DIAPH2: variants seen among roughly 807,000 people sequenced by gnomAD.
The protein encoded by DIAPH2 is diaphanous related formin 2.
In DIAPH2, 35 loss-of-function variants were observed where a neutral mutation model predicts 92.7. The observed-to-expected ratio is 0.38, with a 90% CI of 0.29 to 0.50. DIAPH2 has a LOEUF of 0.50. Ranked by LOEUF, DIAPH2 falls within the 20% of genes least tolerant of loss-of-function variation. The pLI, the probability that DIAPH2 is intolerant of heterozygous loss-of-function variation, is 0.94. For synonymous variants in DIAPH2, 301 were observed against 280.4 expected, an observed-to-expected ratio of 1.07 and a Z score of -0.73; for missense variants, 701 against 819.5, an observed-to-expected ratio of 0.86 and a Z score of 1.77.
intron 19 of DIAPH2, among the ~76,000 whole-genome samples, chrX:97,090,298 CTTTTTTTTTTTTTTTTTTTTT>C (rs760073834): frequency 7.7e-5 from 3 of 38,871 alleles, no homozygotes; most frequent in East Asian, 1.8e-3. Context: ...TCTCTGATCC[CTTTTTTTTTTTTTTTTTTTTT>C]TTTTTTTTTT....
intron 17 of DIAPH2, among the ~76,000 whole-genome samples, chrX:97,016,363 CATT>C: frequency 8.9e-6 from 1 of 111,993 alleles, no homozygotes; most frequent in Middle Eastern, 4.6e-3. Flanking sequence ...GAAAGTCACT[CATT>C]GTTGATCTTT....
chrX:97,531,686 G>C (rs2071061202), intron 26 of DIAPH2, among the ~76,000 whole-genome samples: 1 of 112,153 alleles, frequency 8.9e-6, no homozygotes, highest in Non-Finnish European at 1.9e-5. Context: ...GGTTTCTCTA[G>C]TTGTATAGAC....
At chrX:97,232,655 C>T (rs1189202090) in intron 22 of DIAPH2, among the ~76,000 whole-genome samples, 1 of 111,340 alleles carries the variant, frequency 9.0e-6, no homozygotes, top group Non-Finnish European at 1.9e-5. Flanking sequence ...CTGCCGTCCA[C>T]ACCCTGATAT....
chrX:97,238,847 A>G (rs1299567425), intron 22 of DIAPH2, among the ~76,000 whole-genome samples: 1 of 111,679 alleles, frequency 9.0e-6, no homozygotes, highest in Non-Finnish European at 1.9e-5. Context: ...TTTTTTACAT[A>G]TGCTTTCCGG....
chrX:97,365,806 G>A (rs1281438595), intron 24 of DIAPH2, among the ~76,000 whole-genome samples: 1 of 107,914 alleles, frequency 9.3e-6, no homozygotes, highest in Non-Finnish European at 1.9e-5. Context: ...CCTGGGTTCA[G>A]TTCTCCTGCC....
At chrX:97,419,271 T>C (rs1167649157) in intron 25 of DIAPH2, among the ~76,000 whole-genome samples, 1 of 111,542 alleles carries the variant, frequency 9.0e-6, no homozygotes, top group Non-Finnish European at 1.9e-5. Flanking sequence ...GAGCAGGGGT[T>C]GGCAAACATT....
chrX:96,806,458 C>G (rs5950027), intron 4 of DIAPH2, among the ~76,000 whole-genome samples: 1 of 107,625 alleles, frequency 9.3e-6, no homozygotes, highest in Non-Finnish European at 1.9e-5. Flanking sequence ...ACCAGCCTGA[C>G]TAACATGGAG....
intron 26 of DIAPH2, among the ~76,000 whole-genome samples, chrX:97,431,120 A>G (rs998395259): frequency 8.9e-6 from 1 of 112,229 alleles, no homozygotes; most frequent in African/African-American, 3.2e-5. Flanking sequence ...CTACTCATCT[A>G]TAACTATGAG....
chrX:97,587,276 A>AG (rs2147883722), intron 26 of DIAPH2, among the ~76,000 whole-genome samples: 1 of 108,159 alleles, frequency 9.2e-6, no homozygotes, highest in African/African-American at 3.4e-5. Context: ...CTGCTGTCCT[A>AG]GAAAAAAAAA....
intron 23 of DIAPH2, among the ~76,000 whole-genome samples, chrX:97,325,293 A>C (rs1166890588): frequency 9.0e-6 from 1 of 111,374 alleles, no homozygotes; most frequent in Non-Finnish European, 1.9e-5. Flanking sequence ...TGCATCTGCA[A>C]CTCTGCTTCT....
chrX:97,174,771 TTTGA>T (rs1373011549), intron 22 of DIAPH2, among the ~76,000 whole-genome samples: 4 of 111,870 alleles, frequency 3.6e-5, no homozygotes, highest in Non-Finnish European at 7.5e-5. Context: ...TTTAATTATT[TTTGA>T]TTGATCCTGC....
At chrX:96,793,894 A>G (rs948733555) in intron 4 of DIAPH2, among the ~76,000 whole-genome samples, 1 of 112,075 alleles carries the variant, frequency 8.9e-6, no homozygotes, top group African/African-American at 3.2e-5. Context: ...TTAGAGAAAA[A>G]CTATTGAGGT....
intron 1 of DIAPH2, among the ~76,000 whole-genome samples, chrX:96,698,121 C>T (rs985594503): frequency 5.4e-5 from 6 of 111,842 alleles, no homozygotes; most frequent in African/African-American, 2.0e-4. Flanking sequence ...ACTACTGTTG[C>T]ATATTGCATA....
chrX:97,273,857 C>A (rs1216245251), intron 23 of DIAPH2, among the ~76,000 whole-genome samples: 5 of 111,732 alleles, frequency 4.5e-5, no homozygotes, highest in Non-Finnish European at 9.4e-5. Flanking sequence ...CCTTAGGAAA[C>A]TTTATCCATT....
intron 25 of DIAPH2, among the ~76,000 whole-genome samples, chrX:97,420,546 CTG>C (rs1268293381): frequency 8.9e-6 from 1 of 112,016 alleles, no homozygotes; most frequent in Non-Finnish European, 1.9e-5. Flanking sequence ...CTATAGGAAA[CTG>C]TTAATTACCT....
intron 25 of DIAPH2, among the ~76,000 whole-genome samples, chrX:97,411,216 A>ACT (rs2069869246): frequency 8.9e-6 from 1 of 111,852 alleles, no homozygotes; most frequent in Non-Finnish European, 1.9e-5. Flanking sequence ...CTCAGCAGAA[A>ACT]CTACAAGCCA....
At chrX:97,275,211 G>A (rs1325446967) in intron 23 of DIAPH2, among the ~76,000 whole-genome samples, 1 of 109,752 alleles carries the variant, frequency 9.1e-6, no homozygotes, top group Non-Finnish European at 1.9e-5. Flanking sequence ...TTCCCAGAAG[G>A]GGCGGCCGGG....
intron 20 of DIAPH2, among the ~76,000 whole-genome samples, chrX:97,106,368 G>C (rs1311344580): frequency 2.7e-5 from 3 of 111,117 alleles, no homozygotes; most frequent in Non-Finnish European, 5.7e-5. Flanking sequence ...AACTCACCAT[G>C]ACTCATTCTC....
chrX:96,841,947 G>A (rs959037240), intron 4 of DIAPH2, among the ~76,000 whole-genome samples: 2 of 111,369 alleles, frequency 1.8e-5, no homozygotes, highest in Admixed American at 9.6e-5. Flanking sequence ...GGGCAGGGGC[G>A]GGGATCACAA....
Sources: allele counts gnomAD v4.1 joint callset (sites outside exome capture counted in the v4.1 genomes callset), GRCh38; gene constraint gnomAD v4.1.1; transcripts MANE v1.5; gene names NCBI Gene and HGNC (gene_info 2026-07-23, HGNC 2026-07-21).